SDK1: variants seen among roughly 807,000 people sequenced by gnomAD.
The protein encoded by SDK1 is sidekick cell adhesion molecule 1.
A neutral mutation model predicts 245.5 loss-of-function variants in SDK1; 157 were observed. That is an observed-to-expected ratio of 0.64 (90% CI 0.56 to 0.73). The LOEUF (loss-of-function observed/expected upper bound fraction) is 0.73, where lower values mean the gene tolerates loss of function less well. Ranked by LOEUF, SDK1 falls within the 30% of genes least tolerant of loss-of-function variation. The pLI is 0.00. For synonymous variants in SDK1, 1,647 were observed against 1,278.5 expected, an observed-to-expected ratio of 1.29 and a Z score of -6.15; for missense variants, 3,583 against 3,002.3, an observed-to-expected ratio of 1.19 and a Z score of -4.52.
chr7:3,607,887 C>T (rs887156533), intron 1 of SDK1, among the ~76,000 whole-genome samples: 1 of 152,224 alleles, frequency 6.6e-6, no homozygotes, highest in Non-Finnish European at 1.5e-5. Flanking sequence ...TGAGACAAGT[C>T]TAGAGCAGCA....
chr7:3,367,372 T>A (rs1781119109), intron 1 of SDK1, among the ~76,000 whole-genome samples: 1 of 152,188 alleles, frequency 6.6e-6, no homozygotes, highest in Non-Finnish European at 1.5e-5. Context: ...TTACTTTTTA[T>A]GTTTGCATTC....
chr7:4,108,881 T>C lies in SDK1; in HGVS notation c.3325-1782T>C, dbSNP rs553925409. The stretch of plus-strand genomic sequence containing the variant: ...ACCACCAACCTGCGTTCTGTCTCAA[T>C]GGATGGAAAGATCCTGGACATTTCG... On this transcript the variant is annotated intron_variant, in intron 22 of 44. Transcript: ENST00000404826. 3.9e-5 allele frequency among the ~76,000 whole-genome samples: 6 copies of C among 152,314 alleles called. No homozygotes were observed. In the South Asian group the frequency reaches 1.2e-3, roughly 32 times the overall value.
intron 5 of SDK1, among the ~76,000 whole-genome samples, chr7:3,851,300 A>G (rs1245766008): frequency 6.6e-6 from 1 of 152,236 alleles, no homozygotes; most frequent in African/African-American, 2.4e-5. Context: ...TGGCGTTATT[A>G]ACATTTTAAT....
chr7:3,639,478 A>T (rs759536877), intron 3 of SDK1, among the ~76,000 whole-genome samples: 3 of 152,170 alleles, frequency 2.0e-5, no homozygotes, highest in Non-Finnish European at 2.9e-5. Flanking sequence ...AAAGTTCGTC[A>T]TTGTCAGTTC....
intron 5 of SDK1, among the ~76,000 whole-genome samples, chr7:3,853,162 C>A (rs1780460434): frequency 6.6e-6 from 1 of 152,014 alleles, no homozygotes; most frequent in African/African-American, 2.4e-5. Flanking sequence ...AAAAAATGTG[C>A]ATAGAAATGG....
At chr7:3,761,525 G>A (rs960616360) in intron 4 of SDK1, among the ~76,000 whole-genome samples, 13 of 149,066 alleles carry the variant, frequency 8.7e-5, no homozygotes, top group African/African-American at 3.2e-4. Context: ...CTGCACTCCA[G>A]CCTGGGCGAC....
At chr7:3,821,264 C>G (rs1405411341) in intron 4 of SDK1, among the ~76,000 whole-genome samples, 186 bp from the exon 5 acceptor site, 2 of 152,302 alleles carry the variant, frequency 1.3e-5, no homozygotes, top group East Asian at 3.9e-4. Context: ...AGTGTGCCAG[C>G]TGGATCAGAA....
intron 4 of SDK1, among the ~76,000 whole-genome samples, chr7:3,805,860 A>G (rs1779228374): frequency 1.3e-5 from 2 of 152,108 alleles, no homozygotes; most frequent in Admixed American, 6.5e-5. Context: ...GAGAACCAAA[A>G]CACTTCTCTT....
intron 1 of SDK1, among the ~76,000 whole-genome samples, chr7:3,490,138 A>T (rs143872925): frequency 6.6e-6 from 1 of 152,222 alleles, no homozygotes; most frequent in Non-Finnish European, 1.5e-5. Flanking sequence ...AAGTGAAACT[A>T]TGGACTACTA....
chr7:3,768,064 A>G (rs905730968), intron 4 of SDK1, among the ~76,000 whole-genome samples: 4 of 152,236 alleles, frequency 2.6e-5, no homozygotes, highest in African/African-American at 7.2e-5. Flanking sequence ...CACACAGCCA[A>G]TAAGAGGCAA....
intron 5 of SDK1, among the ~76,000 whole-genome samples, chr7:3,908,974 G>A (rs1779058354): frequency 6.6e-6 from 1 of 152,116 alleles, no homozygotes; most frequent in African/African-American, 2.4e-5. Flanking sequence ...GGAGATGGAG[G>A]TGAGCCTGCC....
intron 4 of SDK1, among the ~76,000 whole-genome samples, chr7:3,704,117 C>T (rs1027341495): frequency 1.3e-5 from 2 of 152,112 alleles, no homozygotes; most frequent in African/African-American, 4.8e-5. Context: ...GCTTTGCTTC[C>T]ACTTATAAGT....
intron 14 of SDK1, among the ~76,000 whole-genome samples, chr7:4,008,385 G>A (rs1353755260): frequency 1.3e-5 from 2 of 152,246 alleles, no homozygotes; most frequent in South Asian, 2.1e-4. Flanking sequence ...TTACTTCTGC[G>A]CAGAGGGGTG....
At chr7:3,424,044 T>G (rs956640451) in intron 1 of SDK1, among the ~76,000 whole-genome samples, 3 of 152,038 alleles carry the variant, frequency 2.0e-5, no homozygotes, top group African/African-American at 7.3e-5. Context: ...CCCAAATAGT[T>G]CGGACTACAG....
At chr7:3,691,429 C>T (rs1784434611) in intron 4 of SDK1, among the ~76,000 whole-genome samples, 2 of 152,180 alleles carry the variant, frequency 1.3e-5, no homozygotes, top group South Asian at 4.1e-4. Flanking sequence ...ATTGAAGAAA[C>T]AACTGGAGTC....
intron 5 of SDK1, among the ~76,000 whole-genome samples, chr7:3,915,519 G>T (rs4723268): frequency 2.0e-5 from 3 of 151,988 alleles, no homozygotes; most frequent in Non-Finnish European, 4.4e-5. Context: ...CTCATTCTGT[G>T]TTTCCCACCT....
chr7:3,358,522 CCCAGAG>C (rs1562438666), intron 1 of SDK1, among the ~76,000 whole-genome samples: 1 of 151,920 alleles, frequency 6.6e-6, no homozygotes, highest in Admixed American at 6.6e-5. Context: ...AGGTAGTGTG[CCCAGAG>C]TCAGCCATCA....
chr7:4,260,180 C>T (rs1205069230), intron 44 of SDK1, among the ~76,000 whole-genome samples: 21 of 147,174 alleles, frequency 1.4e-4, no homozygotes, highest in African/African-American at 4.6e-4. Context: ...ATGTGTTCAT[C>T]GTCACCTGAT....
intron 25 of SDK1, among the ~76,000 whole-genome samples, chr7:4,122,043 G>A (rs1294998152): frequency 2.0e-5 from 3 of 152,118 alleles, no homozygotes; most frequent in African/African-American, 4.8e-5. Flanking sequence ...TCTTAGACCA[G>A]TCTCTCTTCT....
Sources: allele counts gnomAD v4.1 joint callset (sites outside exome capture counted in the v4.1 genomes callset), GRCh38; gene constraint gnomAD v4.1.1; transcripts MANE v1.5; gene names NCBI Gene and HGNC (gene_info 2026-07-23, HGNC 2026-07-21).